The following SGCZ variants were observed in gnomAD, a reference collection of about 807,000 sequenced individuals.
SGCZ encodes zeta-sarcoglycan.
A neutral mutation model predicts 41.3 loss-of-function variants in SGCZ; 40 were observed. That is an observed-to-expected ratio of 0.97 (90% CI 0.75 to 1.26). The LOEUF (loss-of-function observed/expected upper bound fraction) is 1.26, where lower values mean the gene tolerates loss of function less well. SGCZ is among the 50% of genes most tolerant of loss of function. The probability of loss-of-function intolerance (pLI) is 0.00; values close to 1 mark genes in which losing one functional copy is unlikely to be tolerated. For missense variants in SGCZ, 552 were observed against 369.8 expected, an observed-to-expected ratio of 1.49 and a Z score of -4.04; for synonymous variants, 206 against 137.5, an observed-to-expected ratio of 1.50 and a Z score of -3.49.
At chr8:14,208,168 T>C (rs1805680269) in intron 4 of SGCZ, among the ~76,000 whole-genome samples, 1 of 152,214 alleles carries the variant, frequency 6.6e-6, no homozygotes, top group African/African-American at 2.4e-5. Flanking sequence ...AAAATGAAAG[T>C]CTGCCACTCA....
chr8:14,560,617 T>C (rs7826758), intron 1 of SGCZ, among the ~76,000 whole-genome samples: 3,436 of 152,204 alleles, frequency 0.023, 142 homozygotes, highest in African/African-American at 0.078. Flanking sequence ...AAACTTATTT[T>C]CTAGAATGTT....
intron 1 of SGCZ, among the ~76,000 whole-genome samples, chr8:14,840,344 TAATC>T (rs1393811132): frequency 2.6e-5 from 4 of 152,118 alleles, no homozygotes; most frequent in South Asian, 2.1e-4. Context: ...TGGTTTCAAA[TAATC>T]AATAACTGAA....
chr8:14,581,266 C>A (rs991418947), intron 1 of SGCZ, among the ~76,000 whole-genome samples: 10 of 152,064 alleles, frequency 6.6e-5, no homozygotes, highest in Admixed American at 5.2e-4. Flanking sequence ...CACCACAACA[C>A]CTGCCTGATT....
intron 1 of SGCZ, among the ~76,000 whole-genome samples, chr8:15,117,183 C>G (rs1237668912): frequency 1.3e-5 from 2 of 152,156 alleles, no homozygotes; most frequent in East Asian, 1.9e-4. Context: ...CACGGTGAAA[C>G]CCCGTCTCTA....
chr8:14,493,342 T>C (rs539197688), intron 2 of SGCZ, among the ~76,000 whole-genome samples: 1 of 148,852 alleles, frequency 6.7e-6, no homozygotes, highest in South Asian at 2.1e-4. Flanking sequence ...CACATACTTT[T>C]CCCACTATCA....
In SGCZ at chr8:14,450,869, A is replaced by G. The variant is rs75417688; in HGVS notation, c.234+103863T>C. Among the ~76,000 whole-genome samples the G allele has an allele frequency of 9.4e-3, 1,433 of 152,274 alleles. 32 individuals carry two copies. Among genetic ancestry groups the G allele is most frequent in the African/African-American group, 0.033 (1,354 of 41,560 alleles). On this transcript the variant is annotated intron_variant, in intron 2 of 7. Transcript: ENST00000382080. ...TGATATGTGTATTCTCTTCAAGGAT[A>G]CTACAAAAGTGGTATTTCAAATCCC... is the stretch of plus-strand genomic sequence containing the variant.
At chr8:14,889,413 C>T (rs1020510841) in intron 1 of SGCZ, among the ~76,000 whole-genome samples, 8 of 152,018 alleles carry the variant, frequency 5.3e-5, no homozygotes, top group Non-Finnish European at 1.0e-4. Flanking sequence ...GAATAAAACG[C>T]CTAATTAGAT....
chr8:14,290,304 G>A (rs1033081082), intron 3 of SGCZ, among the ~76,000 whole-genome samples: 14 of 137,712 alleles, frequency 1.0e-4, no homozygotes, highest in Admixed American at 3.0e-4. Flanking sequence ...TGAAACCAGA[G>A]GTACATAGGC....
chr8:14,347,069 T>TA (rs1802912459), intron 2 of SGCZ, among the ~76,000 whole-genome samples: 1 of 152,100 alleles, frequency 6.6e-6, no homozygotes, highest in Non-Finnish European at 1.5e-5. Flanking sequence ...TAGAGAATAT[T>TA]AGCCCTCGTT....
chr8:15,074,139 C>CT (rs1423274198), intron 1 of SGCZ, among the ~76,000 whole-genome samples: 2 of 152,174 alleles, frequency 1.3e-5, no homozygotes, highest in African/African-American at 4.8e-5. Flanking sequence ...CCGTCACTGA[C>CT]TCCCAGATGT....
intron 1 of SGCZ, among the ~76,000 whole-genome samples, chr8:15,145,803 T>C (rs1384872053): frequency 6.6e-6 from 1 of 152,188 alleles, no homozygotes; most frequent in Non-Finnish European, 1.5e-5. Context: ...TTTAGACTGA[T>C]GTGAAGACTA....
chr8:15,104,832 T>C (rs1806759708), intron 1 of SGCZ, among the ~76,000 whole-genome samples: 1 of 152,200 alleles, frequency 6.6e-6, no homozygotes, highest in Admixed American at 6.5e-5. Flanking sequence ...ATGGTTTCAT[T>C]TTTGCTTTTA....
At chr8:14,901,446 C>T (rs1417927393) in intron 1 of SGCZ, among the ~76,000 whole-genome samples, 1 of 152,036 alleles carries the variant, frequency 6.6e-6, no homozygotes, top group East Asian at 1.9e-4. Flanking sequence ...AAAACGTAGG[C>T]GTATACGTTT....
At chr8:14,202,443 C>T (rs1360347778) in intron 4 of SGCZ, among the ~76,000 whole-genome samples, 3 of 151,796 alleles carry the variant, frequency 2.0e-5, no homozygotes, top group Non-Finnish European at 4.4e-5. Flanking sequence ...TTGCAGCAGC[C>T]ATAGATAACG....
chr8:14,331,736 G>A (rs1244470439), intron 2 of SGCZ, among the ~76,000 whole-genome samples: 1 of 151,802 alleles, frequency 6.6e-6, no homozygotes, highest in Non-Finnish European at 1.5e-5. Flanking sequence ...AGTTGTCAGG[G>A]TTATAAAAGA....
intron 1 of SGCZ, among the ~76,000 whole-genome samples, chr8:14,949,859 G>T (rs988618826): frequency 1.3e-5 from 2 of 151,962 alleles, no homozygotes; most frequent in Non-Finnish European, 2.9e-5. Context: ...AACAAAAATC[G>T]TTTCATCCAA....
At chr8:14,649,560 A>T (rs1007925372) in intron 1 of SGCZ, among the ~76,000 whole-genome samples, 2 of 151,554 alleles carry the variant, frequency 1.3e-5, no homozygotes, top group Admixed American at 6.6e-5. Context: ...GAGCAACAGC[A>T]TCAAGTTTGG....
At chr8:14,489,353 CA>C (rs1182152380) in intron 2 of SGCZ, among the ~76,000 whole-genome samples, 2 of 151,848 alleles carry the variant, frequency 1.3e-5, no homozygotes, top group Non-Finnish European at 2.9e-5. Context: ...ATAGGGTCTT[CA>C]AAAAATTAAG....
chr8:15,182,402 T>A (rs1281534750), intron 1 of SGCZ, among the ~76,000 whole-genome samples: 3 of 152,164 alleles, frequency 2.0e-5, no homozygotes, highest in Non-Finnish European at 4.4e-5. Context: ...AGCACACACC[T>A]AGATAATAGA....
Sources: allele counts gnomAD v4.1 joint callset (sites outside exome capture counted in the v4.1 genomes callset), GRCh38; gene constraint gnomAD v4.1.1; transcripts MANE v1.5; gene names NCBI Gene and HGNC (gene_info 2026-07-23, HGNC 2026-07-21).